CDC20: variants seen among roughly 807,000 people sequenced by gnomAD.
CDC20 encodes the protein cell division cycle 20.
CDC20 carries 34 observed loss-of-function variants against 60.0 expected under a neutral mutation model. That is an observed-to-expected ratio of 0.57 (90% confidence interval 0.43 to 0.75). The LOEUF is 0.75. Ranked by LOEUF, CDC20 falls within the 30% of genes least tolerant of loss-of-function variation. CDC20 has a pLI of 0.00. For synonymous variants in CDC20, 198 were observed against 243.5 expected (o/e 0.81, Z 1.74); for missense variants, 469 against 647.3 (o/e 0.72, Z 2.99).
chr1:43,362,885 G>T, intron 10 of CDC20, 66 bp from the exon 11 acceptor site: 4 of 1,211,764 alleles, frequency 3.3e-6, no homozygotes, highest in South Asian at 3.1e-5. Flanking sequence ...TAGGTGGGTG[G>T]CCCAGTGCCT....
rs368676792 is a variant in CDC20, at chr1:43,361,148, A to G, written c.1106A>G (p.Asn369Ser). 1.5e-5 allele frequency: 25 copies of G among 1,613,912 alleles called. No homozygotes were observed. The South Asian group carries it at 2.4e-4, about 16-fold the overall frequency. Residue 369 changes from asparagine to serine, a missense_variant, in exon 9 of 11, where the codon AAT becomes AGT. Around this residue, in one of 5 missense-constraint regions of CDC20, gnomAD observed 255 missense variants for 326.7 expected, o/e 0.78. Coordinates refer to ENST00000310955, the MANE Select transcript of CDC20 (RefSeq NM_001255.3). ...GTAGCATGGTGTCCCTGGCAGTCCA[A>G]TGTCCTGGCAACAGGAGGGGGCACC... ...KAVAWCPWQS[N>S]VLATGGGTSD... is the part of the protein sequence containing the mutation.
In CDC20 at chr1:43,359,773, G is replaced by A. The variant is rs745973446; in HGVS notation, c.379G>A (p.Glu127Lys). 1.9e-6 allele frequency: 3 copies of A among 1,613,958 alleles called. No homozygotes were observed. Among genetic ancestry groups the A allele is most frequent in the East Asian group, 2.2e-5 (1 of 44,886 alleles). ...ALNLNGFDVEEAKILRLSGKP... is the reference protein window; with the variant it reads ...ALNLNGFDVEKAKILRLSGKP... The stretch of plus-strand genomic sequence containing the variant: ...GAACCTGAACGGTTTTGATGTAGAG[G>A]AAGCCAAGATCCTTCGGCTCAGTGG... Residue 127 changes from glutamate to lysine, a missense_variant, in exon 4 of 11, where the codon GAA (glutamate) becomes AAA (lysine). By Grantham distance (56) the Glu-to-Lys change is moderately conservative. Transcript: ENST00000310955.
Position 43,360,760 on chromosome 1 carries a change from C to A in CDC20, c.876C>A (p.His292Gln), listed in dbSNP as rs915711344. The stretch of plus-strand genomic sequence containing the variant: ...GTTCACGTTCTGGCCACATCCACCA[C>A]CATGATGTTCGGGTAGCAGAACACC... ...SSGSRSGHIH[H>Q]HDVRVAEHHV... Residue 292 changes from histidine (H) to glutamine (Q), a missense_variant, in exon 8 of 11, where the codon CAC becomes CAA. Transcript: ENST00000310955. The A allele has an allele frequency of 6.2e-7, 1 of 1,613,882 alleles. No individual in the cohort carries two copies. Among genetic ancestry groups the A allele is most frequent in the African/African-American group, 1.3e-5 (1 of 74,930 alleles).
intron 8 of CDC20, 49 bp from the exon 9 acceptor site, chr1:43,361,071 C>CTCCT: frequency 6.2e-7 from 1 of 1,613,100 alleles, no homozygotes; most frequent in South Asian, 1.1e-5. Flanking sequence ...ACCCCTAGAG[C>CTCCT]TCCTTGTCTG....
chr1:43,360,023 G>C lies in CDC20; in HGVS notation c.482G>C (p.Ser161Thr). Reference sequence around the variant, plus strand: ...AGCCAAAAGGCCACTCCTGGCTCCAGCCGGAAGACCTGCCGTTACATTCCT... The same window carrying C: ...AGCCAAAAGGCCACTCCTGGCTCCACCCGGAAGACCTGCCGTTACATTCCT... ...LYSQKATPGS[S>T]RKTCRYIPSL... Residue 161 changes from serine (S) to threonine (T), a missense_variant, in exon 5 of 11, where the codon AGC becomes ACC. Physicochemically the swap from Ser to Thr is moderately conservative, Grantham distance 58. This residue lies in a region of CDC20 where 255 missense variants were observed against 326.7 expected (regional missense o/e 0.78). Coordinates refer to ENST00000310955, the MANE Select transcript of CDC20 (RefSeq NM_001255.3). The C allele has an allele frequency of 6.2e-7, 1 of 1,614,174 alleles. No homozygotes were observed. Among genetic ancestry groups the C allele is most frequent in the South Asian group, 1.1e-5 (1 of 91,080 alleles).
In CDC20 at chr1:43,363,009, C is replaced by T. The variant is rs775657997; in HGVS notation, c.1380C>T (p.Ser460=). 5.5e-5 allele frequency: 89 copies of T among 1,610,910 alleles called. No individual in the cohort carries two copies. The highest frequency in any genetic ancestry group is 4.9e-4 in the Middle Eastern group (3 of 6,076). ...TMSPDGATVA[S]AAADETLRLW... ...GCCCAGATGGGGCCACAGTGGCATC[C>T]GCAGCAGCAGATGAGACCCTGAGGC... is the stretch of plus-strand genomic sequence containing the variant. The change falls in exon 11 of 11, where the codon TCC becomes TCT. Residue 460 remains serine (S), a synonymous_variant. Transcript: ENST00000310955.
rs1446236711 is a variant in CDC20, at chr1:43,361,137, C to T, written c.1095C>T (p.Pro365=). ...CCATCTAGGCCGTAGCATGGTGTCC[C>T]TGGCAGTCCAATGTCCTGGCAACAG... The part of the protein sequence containing the change: ...QGAVKAVAWC[P]WQSNVLATGG... The change falls in exon 9 of 11, where the codon CCC becomes CCT. Residue 365 remains proline, a synonymous_variant. Transcript: ENST00000310955. 6.2e-7 allele frequency: 1 copy of T among 1,614,104 alleles called. No homozygotes were observed. Among genetic ancestry groups the T allele is most frequent in the Non-Finnish European group, 8.5e-7 (1 of 1,180,008 alleles).
In CDC20 at chr1:43,363,168, A is replaced by G; in HGVS notation, c.*39A>G. 6.4e-7 allele frequency: 1 copy of G among 1,570,672 alleles called. No homozygotes were observed. The highest frequency in any genetic ancestry group is 8.7e-7 in the Non-Finnish European group (1 of 1,151,696). ...ACCTCAGTTGTTTTTTATTTTTCTA[A>G]TAAAGTCATGTCTCCCTTCATGTTT... On this transcript the variant is annotated 3_prime_UTR_variant, in exon 11 of 11. Transcript: ENST00000310955.
In CDC20 at chr1:43,362,279, T is replaced by G. The variant is rs1647175982; in HGVS notation, c.1288T>G (p.Tyr430Asp). 1 of 1,599,000 alleles carries G rather than the reference T, an allele frequency of 6.3e-7. No homozygotes were observed. The highest frequency in any genetic ancestry group is 8.6e-7 in the Non-Finnish European group (1 of 1,166,226). Residue 430 changes from tyrosine to aspartate, a missense_variant, in exon 10 of 11, where the codon TAC becomes GAC. By Grantham distance (160) the Tyr-to-Asp change is radical (BLOSUM62 -3). Around this residue, in one of 5 missense-constraint regions of CDC20, gnomAD observed 20 missense variants for 55.8 expected, o/e 0.36. Transcript: ENST00000310955. ...FAQNQLVIWK[Y>D]PTMAKVAELK... ...ACAGAACCAGCTAGTTATTTGGAAG[T>G]ACCCAACCATGGCCAAGGTGGCTGA...
intron 9 of CDC20, among the ~76,000 whole-genome samples, chr1:43,361,881 C>T (rs1647174039): frequency 6.6e-6 from 1 of 152,246 alleles, no homozygotes; most frequent in Non-Finnish European, 1.5e-5. Context: ...AGTTAAAATT[C>T]TGGCTCTGTC....
At position 43,359,954 on chromosome 1, in the gene CDC20, A is replaced by G. The variant is rs1171878410; in HGVS notation, c.428-15A>G. On this transcript the variant is annotated splice_polypyrimidine_tract_variant and intron_variant, in intron 4 of 10. Transcript: ENST00000310955. ...GTTGATTTTCCCAGCGTCTAGACTC[A>G]CTCCGTTGCCACAGGTTATCAGAAC... 1 of 1,613,964 alleles carries G rather than the reference A, an allele frequency of 6.2e-7. No individual in the cohort carries two copies. Among genetic ancestry groups the G allele is most frequent in the Admixed American group, 1.7e-5 (1 of 59,998 alleles).
Position 43,359,716 on chromosome 1 carries a change from T to G in CDC20, c.331-9T>G, listed in dbSNP as rs1392683733. ...TACCATCTTGCTCCTTCACTACCCT[T>G]TATGCCAGGAACATCAGAAAGCCTG... is the stretch of plus-strand genomic sequence containing the variant. On this transcript the variant is annotated splice_polypyrimidine_tract_variant and intron_variant, in intron 3 of 10. Coordinates refer to ENST00000310955, the MANE Select transcript of CDC20 (RefSeq NM_001255.3). 6.2e-7 allele frequency: 1 copy of G among 1,613,732 alleles called. No homozygotes were observed. The highest frequency in any genetic ancestry group is 8.5e-7 in the Non-Finnish European group (1 of 1,179,980).
Position 43,359,384 on chromosome 1 carries a change from GGC to G in CDC20, c.170_171del (p.Gly57AlafsTer15), listed in dbSNP as rs760333199. ...ATCCCACAGCGCCGGCAGGACTCCGGGCCGAACTCCTGGTCAGTGAGGTGCCA... is the reference window on the plus strand; with the variant it reads ...ATCCCACAGCGCCGGCAGGACTCCGGCGAACTCCTGGTCAGTGAGGTGCCA... The part of the protein sequence containing the change: ...NRSHSAGRTP[G>X]RTPGKSSSKV... On this transcript the variant is annotated frameshift_variant, in exon 2 of 11. Transcript: ENST00000310955. LOFTEE classifies it high-confidence loss of function. The G allele has an allele frequency of 1.9e-6, 3 of 1,612,860 alleles. No individual in the cohort carries two copies. In the South Asian group the frequency reaches 3.3e-5, roughly 18 times the overall value.
At chr1:43,359,059 T>A in intron 1 of CDC20, 53 bp downstream of exon 1, 1 of 708,332 alleles carries the variant, frequency 1.4e-6, no homozygotes, top group Non-Finnish European at 2.4e-6. Context: ...GGGGAGGGGG[T>A]GCTAGGCCGG....
rs2069388 is a variant in CDC20, at chr1:43,363,081, G to A, written c.1452G>A (p.Glu484=). ...ACCCTGCGCGGCGGCGGGAGCGGGA[G>A]AAGGCCAGTGCAGCCAAAAGCAGCC... ...ELDPARRRER[E]KASAAKSSLI... is the part of the protein sequence containing the mutation. Residue 484 remains glutamate, a synonymous_variant, in exon 11 of 11, where the codon GAG becomes GAA. Coordinates refer to ENST00000310955, the MANE Select transcript of CDC20 (RefSeq NM_001255.3). 2.0e-3 allele frequency: 3,214 copies of A among 1,613,560 alleles called. 118 individuals carry two copies. In the Admixed American group the frequency reaches 0.052, roughly 26 times the overall value.
At chr1:43,361,031 G>A in intron 8 of CDC20, 70 bp downstream of exon 8, 1 of 1,599,460 alleles carries the variant, frequency 6.3e-7, no homozygotes, top group Non-Finnish European at 8.6e-7. Context: ...GGGGAGAAGG[G>A]ATGGTAGGAT....
At chr1:43,361,076 T>C (rs1317639549) in intron 8 of CDC20, 44 bp from the exon 9 acceptor site, 2 of 1,613,024 alleles carry the variant, frequency 1.2e-6, no homozygotes, top group Non-Finnish European at 1.7e-6. Context: ...TAGAGCTCCT[T>C]GTCTGGCTCT....
chr1:43,360,615 A>C (rs201863102), intron 7 of CDC20, 22 bp downstream of exon 7: 2 of 1,602,746 alleles, frequency 1.2e-6, no homozygotes, highest in Non-Finnish European at 1.7e-6. Context: ...TTGTTGGTCT[A>C]TGGTAGTCTG....
Position 43,362,254 on chromosome 1 carries a change from A to C in CDC20, c.1263A>C (p.Ala421=), listed in dbSNP as rs139019074. The C allele has an allele frequency of 6.2e-7, 1 of 1,612,318 alleles. No individual in the cohort carries two copies. The highest frequency in any genetic ancestry group is 8.5e-7 in the Non-Finnish European group (1 of 1,178,294). The change falls in exon 10 of 11, where the codon GCA becomes GCC. Residue 421 remains alanine (A), a synonymous_variant. Coordinates refer to ENST00000310955, the MANE Select transcript of CDC20 (RefSeq NM_001255.3). ...AGCTCATCTCAGGCCATGGCTTTGCACAGAACCAGCTAGTTATTTGGAAGT... is the reference window on the plus strand; with the variant it reads ...AGCTCATCTCAGGCCATGGCTTTGCCCAGAACCAGCTAGTTATTTGGAAGT... ...YKELISGHGF[A]QNQLVIWKYP...
Sources: gnomAD v4.1 joint callset for allele counts (sites outside exome capture counted in the v4.1 genomes callset) on GRCh38, gnomAD v4.1.1 for gene constraint, gnomAD v4.1.1 regional missense constraint, MANE v1.5 for transcripts, NCBI Gene and HGNC (gene_info 2026-07-23, HGNC 2026-07-21) for gene names.